Variants in LDLRAD4 observed in about 807,000 individuals in gnomAD.
LDLRAD4 encodes low density lipoprotein receptor class A domain containing 4.
In LDLRAD4, 5 loss-of-function variants were observed where a neutral mutation model predicts 17.0. The observed-to-expected ratio is 0.29, with a 90% CI of 0.15 to 0.62. LDLRAD4 has a LOEUF of 0.62. LDLRAD4 is among the 20% of genes least tolerant of loss of function. The pLI, the probability that LDLRAD4 is intolerant of heterozygous loss-of-function variation, is 0.84. For synonymous variants in LDLRAD4, 168 were observed against 171.8 expected, an observed-to-expected ratio of 0.98 and a Z score of 0.17; for missense variants, 340 against 424.7, an observed-to-expected ratio of 0.80 and a Z score of 1.75.
At chr18:13,650,809 A>G (rs2043213550) in exon 6 of LDLRAD4, 1 of 154,602 alleles carries the variant, frequency 6.5e-6, no homozygotes, top group Admixed American at 6.5e-5. Context: ...GAAATTTGCA[A>G]ATGGATGCAT....
At chr18:13,649,144 C>CTT (rs1246789578) in exon 6 of LDLRAD4, 1 of 152,162 alleles carries the variant, frequency 6.6e-6, no homozygotes, top group African/African-American at 2.4e-5. Flanking sequence ...TTGGCTCAAA[C>CTT]TTATGAGGCA....
At chr18:13,532,843 C>T (rs971353709) in intron 3 of LDLRAD4, among the ~76,000 whole-genome samples, 1 of 152,196 alleles carries the variant, frequency 6.6e-6, no homozygotes, top group Non-Finnish European at 1.5e-5. Context: ...CATGCCTGGC[C>T]CTGCGCCTTC....
At chr18:13,499,818 C>T (rs1489172577) in intron 3 of LDLRAD4, among the ~76,000 whole-genome samples, 9 of 152,244 alleles carry the variant, frequency 5.9e-5, no homozygotes, top group Non-Finnish European at 1.0e-4. Context: ...CTGGAGAATC[C>T]TTCTGCCCAC....
chr18:13,489,084 G>T (rs2093302773), intron 3 of LDLRAD4: 1 of 152,112 alleles, frequency 6.6e-6, no homozygotes, highest in Non-Finnish European at 1.5e-5. Context: ...TAACCGAGGG[G>T]TGGAATATTC....
chr18:13,600,182 A>G (rs1330359784), intron 3 of LDLRAD4, among the ~76,000 whole-genome samples: 1 of 152,254 alleles, frequency 6.6e-6, no homozygotes, highest in Non-Finnish European at 1.5e-5. Context: ...CTAGCATATC[A>G]GGCCTGTGAT....
chr18:13,448,057 C>G (rs548191438), intron 3 of LDLRAD4, among the ~76,000 whole-genome samples: 1 of 152,120 alleles, frequency 6.6e-6, no homozygotes, highest in African/African-American at 2.4e-5. Context: ...TTAGTGCAAA[C>G]TTGACAATTA....
chr18:13,645,012 G>C lies in LDLRAD4; in HGVS notation c.391-115G>C. ...TGTTTTCTTTTTTTTTTTCCTGGGA[G>C]ATGGTGTTCAAACTGGTAGGAACAC... On this transcript the variant is annotated intron_variant, in intron 5 of 5. Transcript: ENST00000359446. This position sits in a 1 kb window ranked among gnomAD's most constrained non-coding sequence, Gnocchi z 5.7. 1 of 787,370 alleles carries C rather than the reference G, an allele frequency of 1.3e-6. No individual in the cohort carries two copies. Among genetic ancestry groups the C allele is most frequent in the Non-Finnish European group, 2.0e-6 (1 of 495,820 alleles). 48.8% of individuals were successfully genotyped at this position (787,370 alleles called of 1,614,324 possible). A position where few individuals can be genotyped will look rare whatever the true frequency, so the allele number is the denominator to read the frequency against.
At chr18:13,446,185 A>G (rs1394578797) in intron 3 of LDLRAD4, among the ~76,000 whole-genome samples, 2 of 152,178 alleles carry the variant, frequency 1.3e-5, no homozygotes, top group East Asian at 1.9e-4. Flanking sequence ...CACCCTAGAA[A>G]GGTCATAAGA....
intron 3 of LDLRAD4, among the ~76,000 whole-genome samples, chr18:13,497,087 T>C (rs1267099528): frequency 6.6e-6 from 1 of 152,258 alleles, no homozygotes; most frequent in Non-Finnish European, 1.5e-5. Context: ...GCCTGCTGCC[T>C]GACTCATAAT....
chr18:13,408,916 T>C (rs2088055509), intron 2 of LDLRAD4, among the ~76,000 whole-genome samples: 1 of 152,186 alleles, frequency 6.6e-6, no homozygotes, highest in Non-Finnish European at 1.5e-5. Context: ...ATACAGTGAA[T>C]ATGGGTTACT....
chr18:13,625,591 G>T (rs1601790061), intron 4 of LDLRAD4, among the ~76,000 whole-genome samples: 1 of 152,078 alleles, frequency 6.6e-6, no homozygotes, highest in Admixed American at 6.5e-5. Flanking sequence ...GCCTTCTCTG[G>T]CCCCTTCCTG....
intron 3 of LDLRAD4, among the ~76,000 whole-genome samples, chr18:13,575,779 G>A (rs2094760619): frequency 6.6e-6 from 1 of 152,138 alleles, no homozygotes; most frequent in Non-Finnish European, 1.5e-5. Flanking sequence ...GCGGAGTAAC[G>A]TGGTATTGCA....
At chr18:13,369,158 A>G (rs1223979996) in intron 1 of LDLRAD4, among the ~76,000 whole-genome samples, 1 of 152,224 alleles carries the variant, frequency 6.6e-6, no homozygotes, top group African/African-American at 2.4e-5. Context: ...GGCCGGGCTC[A>G]CAGGCAGGGG....
intron 2 of LDLRAD4, among the ~76,000 whole-genome samples, chr18:13,415,465 A>C (rs1187373221): frequency 6.6e-6 from 1 of 151,820 alleles, no homozygotes. Flanking sequence ...GGCCCCGGCT[A>C]CTCTAGGGTG....
At chr18:13,620,544 T>C (rs2040529381) in intron 3 of LDLRAD4, among the ~76,000 whole-genome samples, 1 of 152,202 alleles carries the variant, frequency 6.6e-6, no homozygotes, top group African/African-American at 2.4e-5. Flanking sequence ...GTGCTGTGAC[T>C]GGAAGTCACT....
rs1031451624 is a variant in LDLRAD4, at chr18:13,485,766, C to T, written c.181+47382C>T. 1.5e-4 allele frequency among the ~76,000 whole-genome samples: 23 copies of T among 152,312 alleles called. 1 individual carries two copies. Among genetic ancestry groups the T allele is most frequent in the Admixed American group, 9.2e-4 (14 of 15,300 alleles). On this transcript the variant is annotated intron_variant, in intron 3 of 5. Coordinates refer to ENST00000359446, the Ensembl canonical transcript of LDLRAD4. ...CGGTGGCTCACGCCTGGAATCCCAG[C>T]GACTTCAGAGGCTGAGGCAAGAGGA... is the stretch of plus-strand genomic sequence containing the variant.
At chr18:13,553,880 C>G (rs2094458942) in intron 3 of LDLRAD4, among the ~76,000 whole-genome samples, 1 of 152,066 alleles carries the variant, frequency 6.6e-6, no homozygotes, top group African/African-American at 2.4e-5. Context: ...ACCAACTGCC[C>G]CTTTTGTCAG....
intron 1 of LDLRAD4, among the ~76,000 whole-genome samples, chr18:13,334,191 A>G (rs556184343): frequency 3.9e-5 from 6 of 152,210 alleles, no homozygotes; most frequent in East Asian, 1.9e-4. Flanking sequence ...TTTAAATTTC[A>G]TATTTCATTT....
chr18:13,406,629 G>T (rs1269254460), intron 2 of LDLRAD4, among the ~76,000 whole-genome samples: 6 of 152,186 alleles, frequency 3.9e-5, no homozygotes, highest in Admixed American at 3.9e-4. Flanking sequence ...GACTATCTCT[G>T]AGCGGGAGCT....
Sources: gnomAD v4.1 joint callset for allele counts (sites outside exome capture counted in the v4.1 genomes callset) on GRCh38, gnomAD v4.1.1 for gene constraint, Gnocchi (gnomAD v3.1) non-coding constraint, MANE v1.5 for transcripts, NCBI Gene and HGNC (gene_info 2026-07-23, HGNC 2026-07-21) for gene names.